Variants in RNF157 observed in about 807,000 individuals in gnomAD.
RNF157 encodes E3 ubiquitin ligase RNF157.
RNF157 carries 55 observed loss-of-function variants against 88.3 expected under a neutral mutation model. That is an observed-to-expected ratio of 0.62 (90% CI 0.50 to 0.78). RNF157 has a LOEUF of 0.78. RNF157 is among the 30% of genes least tolerant of loss of function. The probability of loss-of-function intolerance (pLI) is 0.00; values close to 1 mark genes in which losing one functional copy is unlikely to be tolerated. For synonymous variants in RNF157, 334 were observed against 341.2 expected (o/e 0.98, Z 0.23); for missense variants, 788 against 860.8 (o/e 0.92, Z 1.06).
Position 76,195,515 on chromosome 17 carries a change from A to T in RNF157, c.207+16849T>A, listed in dbSNP as rs1216627287. Among the ~76,000 whole-genome samples the T allele has an allele frequency of 1.3e-5, 2 of 152,234 alleles. No homozygotes were observed. Among genetic ancestry groups the T allele is most frequent in the Non-Finnish European group, 2.9e-5 (2 of 68,040 alleles). On this transcript the variant is annotated intron_variant, in intron 2 of 18. Transcript: ENST00000269391. The surrounding 1 kb of genome is among the most constrained non-coding windows in gnomAD (Gnocchi z 4.4). Reference sequence around the variant, plus strand: ...TATTCTATGACTCAGCAATTCTCCTAGCTATAGCCTTAACAGGTATGCATA... The same window carrying T: ...TATTCTATGACTCAGCAATTCTCCTTGCTATAGCCTTAACAGGTATGCATA...
chr17:76,204,516 T>C (rs2069643891), intron 2 of RNF157, among the ~76,000 whole-genome samples: 1 of 152,192 alleles, frequency 6.6e-6, no homozygotes, highest in Admixed American at 6.5e-5. Context: ...AGTATGTGAC[T>C]CATAAATACT....
Position 76,145,181 on chromosome 17 carries a change from T to G in RNF157, c.*54A>C. 1 of 1,205,958 alleles carries G rather than the reference T, an allele frequency of 8.3e-7. No homozygotes were observed. The allele number at this position is 1,205,958 out of a possible 1,614,324, so 74.7% of individuals were successfully genotyped here. A position where few individuals can be genotyped will look rare whatever the true frequency, so the allele number is the denominator to read the frequency against. ...GGATGCCCAGTAGGCAGCAGCTGAGTGAGGATGGATGGAATGCAGGGCAGG... is the reference window on the plus strand; with the variant it reads ...GGATGCCCAGTAGGCAGCAGCTGAGGGAGGATGGATGGAATGCAGGGCAGG... On this transcript the variant is annotated 3_prime_UTR_variant, in exon 19 of 19. Coordinates refer to ENST00000269391, the MANE Select transcript of RNF157 (RefSeq NM_052916.3).
intron 2 of RNF157, among the ~76,000 whole-genome samples, chr17:76,187,040 G>C (rs537898853): frequency 5.3e-5 from 8 of 152,094 alleles, no homozygotes; most frequent in African/African-American, 1.9e-4. Flanking sequence ...AATGGAAATA[G>C]TTAAGTTTAT....
intron 2 of RNF157, among the ~76,000 whole-genome samples, chr17:76,177,213 C>A (rs1219338205): frequency 6.6e-6 from 1 of 152,170 alleles, no homozygotes; most frequent in Non-Finnish European, 1.5e-5. Flanking sequence ...GCATGCTCCA[C>A]AGAGCCGGTG....
At chr17:76,205,335 T>C (rs1252140887) in intron 2 of RNF157, among the ~76,000 whole-genome samples, 2 of 151,834 alleles carry the variant, frequency 1.3e-5, no homozygotes, top group African/African-American at 4.8e-5. Flanking sequence ...GGTTTTGCTA[T>C]GTTGCCCAGG....
intron 2 of RNF157, among the ~76,000 whole-genome samples, chr17:76,199,310 G>T (rs936427736): frequency 3.3e-5 from 5 of 152,162 alleles, no homozygotes; most frequent in African/African-American, 1.2e-4. Flanking sequence ...TGGCTGGAGT[G>T]CAGTGGCTTG....
chr17:76,155,104 C>T lies in RNF157; in HGVS notation c.1764+148G>A, dbSNP rs2068741736. ...GAGCAGCTGCTCTCATCTCTACCCA[C>T]ATTCCACTTCTCACTGATCTAGGCA... On this transcript the variant is annotated intron_variant, in intron 16 of 18. Transcript: ENST00000269391. 4.3e-6 allele frequency: 3 copies of T among 705,728 alleles called. No homozygotes were observed. The Admixed American group carries it at 6.8e-5, about 16-fold the overall frequency. The allele number at this position is 705,728 out of a possible 1,614,324, so 43.7% of individuals were successfully genotyped here. A position where few individuals can be genotyped will look rare whatever the true frequency, so the allele number is the denominator to read the frequency against.
At chr17:76,184,552 T>G (rs185966125) in intron 2 of RNF157, among the ~76,000 whole-genome samples, 3 of 152,298 alleles carry the variant, frequency 2.0e-5, no homozygotes, top group Non-Finnish European at 4.4e-5. Context: ...TTACCCAGAT[T>G]CATCCCTGAG....
intron 2 of RNF157, among the ~76,000 whole-genome samples, chr17:76,181,637 C>T (rs972350676): frequency 6.6e-6 from 1 of 152,006 alleles, no homozygotes. Context: ...TGGTCGGGTG[C>T]GGTGGCTCAC....
chr17:76,166,967 C>T (rs1028452291), intron 5 of RNF157, 42 bp downstream of exon 5: 1 of 1,441,038 alleles, frequency 6.9e-7, no homozygotes, highest in Non-Finnish European at 9.6e-7. Context: ...CCCCTAGGCC[C>T]TTCTGAGTGG....
intron 8 of RNF157, 102 bp from the exon 9 acceptor site, chr17:76,162,725 G>A (rs1304026423): frequency 9.1e-6 from 6 of 659,540 alleles, no homozygotes; most frequent in African/African-American, 1.9e-5. Flanking sequence ...AAGGACTACC[G>A]ATTCATAATG....
intron 2 of RNF157, among the ~76,000 whole-genome samples, chr17:76,180,056 T>C (rs1230056600): frequency 2.0e-5 from 3 of 152,188 alleles, no homozygotes; most frequent in African/African-American, 7.2e-5. Context: ...AGAGCTTCCT[T>C]TTCTGTCTTG....
At chr17:76,185,319 C>T (rs1452268160) in intron 2 of RNF157, among the ~76,000 whole-genome samples, 2 of 152,158 alleles carry the variant, frequency 1.3e-5, no homozygotes, top group East Asian at 1.9e-4. Flanking sequence ...TTCCAGAAGA[C>T]GAATTGCTTT....
intron 8 of RNF157, chr17:76,163,987 C>G (rs183152859): frequency 6.6e-6 from 1 of 152,202 alleles, no homozygotes; most frequent in African/African-American, 2.4e-5. Context: ...CCTAAAAGAA[C>G]GAACAGTGTA....
chr17:76,155,735 C>A lies in RNF157; in HGVS notation c.1526-1G>T. The A allele has an allele frequency of 6.4e-7, 1 of 1,554,474 alleles. No individual in the cohort carries two copies. The highest frequency in any genetic ancestry group is 8.7e-7 in the Non-Finnish European group (1 of 1,149,974). ...TGGGCCAAGCTGCTGCTGGCAGGGC[C>A]TTTGGAGACAGGGGATGGGGAAAGG... On this transcript the variant is annotated splice_acceptor_variant, in intron 14 of 18. Transcript: ENST00000269391. LOFTEE classifies it high-confidence loss of function.
At position 76,158,487 on chromosome 17, in the gene RNF157, T is replaced by C. The variant is rs1244928685; in HGVS notation, c.1319A>G (p.Asn440Ser). ...TTCCTCTTCATGCAGCACGGAAGAGTTTTGGGAAGTGGATCTGTAGGAGTC... is the reference window on the plus strand; with the variant it reads ...TTCCTCTTCATGCAGCACGGAAGAGCTTTGGGAAGTGGATCTGTAGGAGTC... Reference protein sequence around the residue: ...KKSLSKSTSQNSSVLHEEEDE... With the variant: ...KKSLSKSTSQSSSVLHEEEDE... The change falls in exon 13 of 19, where the codon AAC (asparagine) becomes AGC (serine). Residue 440 changes from asparagine to serine, a missense_variant. By Grantham distance (46) the Asn-to-Ser change is conservative. Transcript: ENST00000269391. 4.3e-6 allele frequency: 7 copies of C among 1,612,228 alleles called. No individual in the cohort carries two copies. In the East Asian group the frequency reaches 1.6e-4, roughly 36 times the overall value.
chr17:76,214,005 ATG>A (rs2069846806), intron 1 of RNF157, among the ~76,000 whole-genome samples: 1 of 152,068 alleles, frequency 6.6e-6, no homozygotes, highest in Non-Finnish European at 1.5e-5. Flanking sequence ...AAACTCGTAA[ATG>A]TGTTTCTCTA....
At chr17:76,238,869 C>T (rs2070325731) in intron 1 of RNF157, among the ~76,000 whole-genome samples, 1 of 152,182 alleles carries the variant, frequency 6.6e-6, no homozygotes, top group African/African-American at 2.4e-5. Context: ...TATCTTAGAC[C>T]TTTCTAAAAC....
At chr17:76,208,073 G>A (rs1045617320) in intron 2 of RNF157, among the ~76,000 whole-genome samples, 1 of 151,808 alleles carries the variant, frequency 6.6e-6, no homozygotes, top group African/African-American at 2.4e-5. Flanking sequence ...GCACCACCAC[G>A]CCTGGCTAAT....
Sources: allele counts gnomAD v4.1 joint callset (sites outside exome capture counted in the v4.1 genomes callset), GRCh38; gene constraint gnomAD v4.1.1; non-coding constraint Gnocchi (gnomAD v3.1); transcripts MANE v1.5; gene names NCBI Gene and HGNC (gene_info 2026-07-23, HGNC 2026-07-21).